AKR1E2: variants seen among roughly 807,000 people sequenced by gnomAD.
AKR1E2 encodes the protein aldo-keto reductase family 1 member E2, also known as 1,5-anhydro-D-fructose reductase.
AKR1E2 carries 43 observed loss-of-function variants against 41.9 expected under a neutral mutation model. That is an observed-to-expected ratio of 1.03 (90% CI 0.80 to 1.32). AKR1E2 has a LOEUF of 1.32. Among genes scored for constraint, AKR1E2 ranks in the 40% most tolerant of loss-of-function variants. The pLI is 0.00. For synonymous variants in AKR1E2, 121 were observed against 138.9 expected (o/e 0.87, Z 0.91); for missense variants, 423 against 396.5 (o/e 1.07, Z -0.57).
downstream of AKR1E2, among the ~76,000 whole-genome samples, chr10:4,849,761 C>A (rs1203892960): frequency 1.3e-5 from 2 of 152,186 alleles, no homozygotes; most frequent in African/African-American, 4.8e-5. Context: ...CAATGAGGAT[C>A]CACTACGTTA....
chr10:4,825,928 T>C (rs2961565), upstream of AKR1E2, among the ~76,000 whole-genome samples: 18 of 151,496 alleles, frequency 1.2e-4, no homozygotes, highest in Admixed American at 8.5e-4. Flanking sequence ...ACACCTAAGG[T>C]GGGGGCGTGA....
At chr10:4,839,639 C>T in intron 5 of AKR1E2, 90 bp from the exon 6 acceptor site, 1 of 1,217,190 alleles carries the variant, frequency 8.2e-7, no homozygotes. Flanking sequence ...TACTCGGTGA[C>T]AGCCAAGACT....
the AKR1E2 span, among the ~76,000 whole-genome samples, chr10:4,854,158 A>C: frequency 6.9e-6 from 1 of 144,232 alleles, no homozygotes. Flanking sequence ...TAGTGGCACT[A>C]TCTCAACTCA....
intron 2 of AKR1E2, 38 bp from the exon 3 acceptor site, chr10:4,833,312 G>A: frequency 6.5e-7 from 1 of 1,533,368 alleles, no homozygotes; most frequent in Admixed American, 1.7e-5. Context: ...GCTGGCTCTG[G>A]GTGGGCACGT....
chr10:4,872,393 C>T, the AKR1E2 span, among the ~76,000 whole-genome samples: 7 of 152,014 alleles, frequency 4.6e-5, no homozygotes, highest in Admixed American at 2.6e-4. Context: ...TATGACTTTT[C>T]TTGGGAGAAA....
chr10:4,870,526 C>G, the AKR1E2 span, among the ~76,000 whole-genome samples: 3 of 151,434 alleles, frequency 2.0e-5, no homozygotes, highest in African/African-American at 4.8e-5. Flanking sequence ...GCCTTGATGT[C>G]TCTTTTATTT....
the AKR1E2 span, among the ~76,000 whole-genome samples, chr10:4,859,417 A>G: frequency 3.9e-5 from 6 of 152,338 alleles, no homozygotes; most frequent in East Asian, 9.7e-4. Context: ...TACTGGATAT[A>G]AGATAAGACA....
chr10:4,851,922 G>A (rs566575433), downstream of AKR1E2, among the ~76,000 whole-genome samples: 17 of 152,238 alleles, frequency 1.1e-4, 1 homozygote, highest in South Asian at 2.7e-3. Flanking sequence ...GTTGATTCCC[G>A]AGAAGATAGG....
intron 5 of AKR1E2, among the ~76,000 whole-genome samples, 200 bp downstream of exon 5, chr10:4,837,781 G>T (rs554838908): frequency 6.6e-6 from 1 of 152,382 alleles, no homozygotes; most frequent in East Asian, 1.9e-4. Context: ...AGATGGTACT[G>T]TTGGCAGGCA....
chr10:4,846,609 G>C (rs888330573), intron 8 of AKR1E2, among the ~76,000 whole-genome samples: 4 of 151,178 alleles, frequency 2.6e-5, no homozygotes, highest in Non-Finnish European at 5.9e-5. Flanking sequence ...GCAGTGGTGC[G>C]ATCTCGGCTC....
chr10:4,873,173 C>T, the AKR1E2 span, among the ~76,000 whole-genome samples: 257 of 152,270 alleles, frequency 1.7e-3, 1 homozygote, highest in African/African-American at 5.2e-3. Flanking sequence ...ATGAGTCTCA[C>T]GAGATCTGAT....
At chr10:4,826,544 C>CT (rs895275523) in intron 1 of AKR1E2, among the ~76,000 whole-genome samples, 181 bp downstream of exon 1, 3 of 152,212 alleles carry the variant, frequency 2.0e-5, no homozygotes, top group Admixed American at 1.3e-4. Context: ...CCGGCCCGGC[C>CT]TTTCCTAAAA....
intron 8 of AKR1E2, 67 bp from the exon 9 acceptor site, chr10:4,847,081 G>A: frequency 6.4e-7 from 1 of 1,566,126 alleles, no homozygotes; most frequent in East Asian, 2.2e-5. Flanking sequence ...GTGCTATGTA[G>A]GTAACATGTG....
chr10:4,863,052 G>A, the AKR1E2 span, among the ~76,000 whole-genome samples: 4 of 152,214 alleles, frequency 2.6e-5, no homozygotes, highest in African/African-American at 4.8e-5. Context: ...ACAGATCAAC[G>A]AGACAGAAAG....
Position 4,847,526 on chromosome 10 carries a change from A to C in AKR1E2, c.959A>C (p.Tyr320Ser). 6.2e-7 allele frequency: 1 copy of C among 1,613,452 alleles called. No homozygotes were observed. The highest frequency in any genetic ancestry group is 8.5e-7 in the Non-Finnish European group (1 of 1,179,692). The change falls in exon 10 of 10, where the codon TAC (tyrosine) becomes TCC (serine). Residue 320 changes from tyrosine to serine, a missense_variant. Physicochemically the swap from Tyr to Ser is moderately radical, Grantham distance 144. Coordinates refer to ENST00000298375, the MANE Select transcript of AKR1E2 (RefSeq NM_001040177.3). ...AAAGACTATCCTTTCCACATAGAATACTGAGGACGCTTCCCCTTCCTTGTT... is the reference window on the plus strand; with the variant it reads ...AAAGACTATCCTTTCCACATAGAATCCTGAGGACGCTTCCCCTTCCTTGTT... ...NHKDYPFHIE[Y>S]
chr10:4,841,905 C>T (rs756534577), intron 7 of AKR1E2, 48 bp downstream of exon 7: 3 of 1,570,348 alleles, frequency 1.9e-6, no homozygotes, highest in Non-Finnish European at 2.6e-6. Flanking sequence ...TCTGACCGCT[C>T]TACATCCTTG....
At chr10:4,859,295 C>T in the AKR1E2 span, among the ~76,000 whole-genome samples, 33 of 152,238 alleles carry the variant, frequency 2.2e-4, no homozygotes, top group African/African-American at 7.9e-4. Context: ...AGTTGAAACA[C>T]AACAAATATC....
At chr10:4,840,364 TG>T (rs754649141) in intron 6 of AKR1E2, among the ~76,000 whole-genome samples, 27 of 152,348 alleles carry the variant, frequency 1.8e-4, no homozygotes, top group Admixed American at 3.9e-4. Flanking sequence ...CTTTGTTTCA[TG>T]ATTTCATTTC....
chr10:4,826,335 T>G lies in AKR1E2; in HGVS notation c.11T>G (p.Ile4Ser). The G allele has an allele frequency of 8.1e-7, 1 of 1,234,698 alleles. No individual in the cohort carries two copies. Among genetic ancestry groups the G allele is most frequent in the Non-Finnish European group, 1.0e-6 (1 of 987,584 alleles). 76.5% of individuals were successfully genotyped at this position (1,234,698 alleles called of 1,614,324 possible). A position where few individuals can be genotyped will look rare whatever the true frequency, so the allele number is the denominator to read the frequency against. MGD[I>S]PAVGLSSWKA... ...CGGCCGGCGGCGGCCATGGGAGATA[T>G]CCCAGCCGTGGGCCTCAGCTCCTGG... Residue 4 changes from isoleucine (I) to serine (S), a missense_variant, in exon 1 of 10, where the codon ATC (isoleucine) becomes AGC (serine). Coordinates refer to ENST00000298375, the MANE Select transcript of AKR1E2 (RefSeq NM_001040177.3).
Sources: gnomAD v4.1 joint callset for allele counts (sites outside exome capture counted in the v4.1 genomes callset) on GRCh38, gnomAD v4.1.1 for gene constraint, MANE v1.5 for transcripts, NCBI Gene and HGNC (gene_info 2026-07-23, HGNC 2026-07-21) for gene names.